DCAF8: variants seen among roughly 807,000 people sequenced by gnomAD.
DCAF8 encodes DDB1 and CUL4 associated factor 8.
Under a neutral mutation model 68.0 loss-of-function variants are expected in DCAF8, and 20 were observed. The observed-to-expected ratio is 0.29, with a 90% CI of 0.21 to 0.43. DCAF8 has a LOEUF of 0.43. Ranked by LOEUF, DCAF8 falls within the 20% of genes least tolerant of loss-of-function variation. DCAF8 has a pLI of 1.00. For synonymous variants in DCAF8, 230 were observed against 276.9 expected (o/e 0.83, Z 1.68); for missense variants, 460 against 771.0 (o/e 0.60, Z 4.78).
chr1:160,255,653 TC>T (rs1176404393), intron 2 of DCAF8, among the ~76,000 whole-genome samples: 1 of 152,204 alleles, frequency 6.6e-6, no homozygotes, highest in African/African-American at 2.4e-5. Context: ...AGGGTCTCAC[TC>T]TGTCACCCAG....
chr1:160,227,168 G>A (rs573328820), intron 7 of DCAF8, among the ~76,000 whole-genome samples: 1 of 152,300 alleles, frequency 6.6e-6, no homozygotes, highest in East Asian at 1.9e-4. Context: ...TGAGCTACTG[G>A]AGAACATCAG....
In DCAF8 at chr1:160,235,400, T is replaced by A. The variant is rs560862389; in HGVS notation, c.959+1735A>T. 4.6e-5 allele frequency among the ~76,000 whole-genome samples: 7 copies of A among 152,086 alleles called. 1 individual carries two copies. In the East Asian group the frequency reaches 1.2e-3, roughly 25 times the overall value. On this transcript the variant is annotated intron_variant, in intron 6 of 13. Transcript: ENST00000368074. Reference sequence around the variant, plus strand: ...CCACAAAGTGCTGGGGTTACAGGCATGAGCCACTGCACCTGACCAAGATTT... The same window carrying A: ...CCACAAAGTGCTGGGGTTACAGGCAAGAGCCACTGCACCTGACCAAGATTT...
At position 160,218,304 on chromosome 1, in the gene DCAF8, C is replaced by G. The variant is rs1240165153; in HGVS notation, c.1677+20G>C. The G allele has an allele frequency of 5.0e-6, 8 of 1,596,120 alleles. 1 individual carries two copies. The stretch of plus-strand genomic sequence containing the variant: ...TAAAAGGGTCACTCCCTTGGGAATT[C>G]ATTTCCAACCCTAGCTTACCCGGTG... On this transcript the variant is annotated intron_variant, in intron 13 of 13. Transcript: ENST00000368074.
chr1:160,234,485 T>C (rs920717605), intron 6 of DCAF8, among the ~76,000 whole-genome samples: 1 of 152,222 alleles, frequency 6.6e-6, no homozygotes, highest in Non-Finnish European at 1.5e-5. Context: ...TTTCTGCCTA[T>C]ATAATTTCAT....
At chr1:160,248,516 A>G (rs1170695006) in intron 2 of DCAF8, among the ~76,000 whole-genome samples, 1 of 152,028 alleles carries the variant, frequency 6.6e-6, no homozygotes, top group African/African-American at 2.4e-5. Context: ...TGGGCAGATC[A>G]CGAGGTCAGG....
intron 3 of DCAF8, 104 bp downstream of exon 3, chr1:160,243,856 T>G (rs1239068324): frequency 5.3e-6 from 6 of 1,128,390 alleles, no homozygotes; most frequent in Non-Finnish European, 7.9e-6. Flanking sequence ...CACAGGAAAG[T>G]TTCCCTCTCT....
At chr1:160,248,653 C>T (rs545341272) in intron 2 of DCAF8, among the ~76,000 whole-genome samples, 10 of 149,562 alleles carry the variant, frequency 6.7e-5, no homozygotes, top group African/African-American at 2.0e-4. Flanking sequence ...CAGTGAGCTG[C>T]GATCGCGCCA....
chr1:160,248,596 A>G (rs1183279887), intron 2 of DCAF8, among the ~76,000 whole-genome samples: 2 of 150,484 alleles, frequency 1.3e-5, no homozygotes, highest in Non-Finnish European at 3.0e-5. Context: ...TTAGGCAGGC[A>G]TGATGGTGCG....
intron 10 of DCAF8, among the ~76,000 whole-genome samples, chr1:160,223,514 G>A (rs1487040678): frequency 1.3e-5 from 2 of 152,200 alleles, no homozygotes; most frequent in Non-Finnish European, 2.9e-5. Flanking sequence ...CTGGACATTA[G>A]AATCATGTGG....
intron 2 of DCAF8, among the ~76,000 whole-genome samples, chr1:160,253,363 A>G (rs1236894825): frequency 6.6e-6 from 1 of 152,082 alleles, no homozygotes; most frequent in East Asian, 1.9e-4. Flanking sequence ...TAGGCTGCGC[A>G]CAGTGGCTGA....
chr1:160,238,591 G>A lies in DCAF8; in HGVS notation c.864+16C>T, dbSNP rs369152117. Reference sequence around the variant, plus strand: ...GGATTTGGATTGCACAAATTTTGGAGCAAGGTCTTACTTACCTTGTGGGAC... The same window carrying A: ...GGATTTGGATTGCACAAATTTTGGAACAAGGTCTTACTTACCTTGTGGGAC... On this transcript the variant is annotated intron_variant, in intron 5 of 13. Transcript: ENST00000368074. 1.3e-6 allele frequency: 2 copies of A among 1,581,276 alleles called. No homozygotes were observed. The highest frequency in any genetic ancestry group is 1.2e-5 in the South Asian group (1 of 86,840).
At chr1:160,243,424 T>TTA (rs1553197204) in intron 3 of DCAF8, among the ~76,000 whole-genome samples, 20 of 146,690 alleles carry the variant, frequency 1.4e-4, no homozygotes, top group Non-Finnish European at 2.4e-4. Flanking sequence ...TTTTTTTTTT[T>TTA]AAAAAGACGG....
chr1:160,224,604 A>G (rs949219236), intron 9 of DCAF8, 55 bp from the exon 10 acceptor site: 3 of 1,411,354 alleles, frequency 2.1e-6, no homozygotes, highest in African/African-American at 1.4e-5. Flanking sequence ...AGCAGGGACC[A>G]GGAGGTGGGG....
At chr1:160,262,341 C>T in intron 1 of DCAF8, 108 bp downstream of exon 1, 1 of 399,404 alleles carries the variant, frequency 2.5e-6, no homozygotes, top group Non-Finnish European at 4.4e-6. Flanking sequence ...CGGCGAGGCT[C>T]AGCAGCCCGC....
chr1:160,251,557 C>T (rs1250646614), intron 2 of DCAF8, among the ~76,000 whole-genome samples: 1 of 152,046 alleles, frequency 6.6e-6, no homozygotes, highest in South Asian at 2.1e-4. Context: ...ACTGAAGCCT[C>T]GATCTCCCAG....
chr1:160,246,884 T>C (rs890729127), intron 2 of DCAF8, among the ~76,000 whole-genome samples: 9 of 152,178 alleles, frequency 5.9e-5, no homozygotes, highest in Admixed American at 2.6e-4. Context: ...ACATGAGCCA[T>C]AGAAGTTGAG....
At chr1:160,262,190 C>A in intron 1 of DCAF8, 1 of 396,832 alleles carries the variant, frequency 2.5e-6, no homozygotes. Context: ...GCGCTAAGAG[C>A]TTGGGATACG....
At chr1:160,228,103 T>TC (rs1170758000) in intron 7 of DCAF8, among the ~76,000 whole-genome samples, 1 of 151,424 alleles carries the variant, frequency 6.6e-6, no homozygotes, top group Non-Finnish European at 1.5e-5. Flanking sequence ...TTTTTTTTTT[T>TC]TTTGGTAGAG....
intron 2 of DCAF8, among the ~76,000 whole-genome samples, chr1:160,249,874 G>A (rs1242351808): frequency 6.6e-6 from 1 of 152,182 alleles, no homozygotes; most frequent in African/African-American, 2.4e-5. Flanking sequence ...GTTATGGTAA[G>A]TGCAATAATT....
Sources: gnomAD v4.1 joint callset for allele counts (sites outside exome capture counted in the v4.1 genomes callset) on GRCh38, gnomAD v4.1.1 for gene constraint, MANE v1.5 for transcripts, NCBI Gene and HGNC (gene_info 2026-07-23, HGNC 2026-07-21) for gene names.